PTPRD: variants seen among roughly 807,000 people sequenced by gnomAD.
The protein encoded by PTPRD is protein tyrosine phosphatase receptor type D, also known as receptor-type tyrosine-protein phosphatase delta.
Under a neutral mutation model 214.5 loss-of-function variants are expected in PTPRD, and 34 were observed. That is an observed-to-expected ratio of 0.16 (90% confidence interval 0.12 to 0.21). PTPRD has a LOEUF of 0.21. PTPRD is among the 10% of genes least tolerant of loss of function. The probability of loss-of-function intolerance (pLI) is 1.00; values close to 1 mark genes in which losing one functional copy is unlikely to be tolerated. For synonymous variants in PTPRD, 1,128 were observed against 845.7 expected, an observed-to-expected ratio of 1.33 and a Z score of -5.79; for missense variants, 2,545 against 2,398.7, an observed-to-expected ratio of 1.06 and a Z score of -1.27.
intron 11 of PTPRD, among the ~76,000 whole-genome samples, chr9:8,835,150 G>A (rs373521113): frequency 1.9e-4 from 29 of 152,220 alleles, no homozygotes; most frequent in African/African-American, 4.6e-4. Context: ...TGGGGTGGAC[G>A]AAGAAACGAA....
At chr9:8,657,931 T>C (rs1255464184) in intron 12 of PTPRD, among the ~76,000 whole-genome samples, 2 of 152,250 alleles carry the variant, frequency 1.3e-5, no homozygotes, top group East Asian at 3.8e-4. Flanking sequence ...TGTAATACTT[T>C]ATAATAAATT....
chr9:9,945,966 T>G (rs1014060820), intron 4 of PTPRD, among the ~76,000 whole-genome samples: 3 of 147,394 alleles, frequency 2.0e-5, no homozygotes, highest in African/African-American at 7.6e-5. Flanking sequence ...TGATACAAAT[T>G]AAATGATATA....
chr9:9,125,558 T>C (rs2154469966), intron 10 of PTPRD, among the ~76,000 whole-genome samples: 1 of 152,332 alleles, frequency 6.6e-6, no homozygotes, highest in African/African-American at 2.4e-5. Flanking sequence ...CTTTACCTTT[T>C]ATATTAGTTT....
At chr9:9,844,706 T>C (rs1291629075) in intron 5 of PTPRD, among the ~76,000 whole-genome samples, 1 of 151,950 alleles carries the variant, frequency 6.6e-6, no homozygotes, top group African/African-American at 2.4e-5. Flanking sequence ...TATTATATTG[T>C]ATAAATAAAT....
chr9:8,355,295 G>A (rs896519893), intron 39 of PTPRD, among the ~76,000 whole-genome samples: 3 of 152,032 alleles, frequency 2.0e-5, no homozygotes, highest in East Asian at 1.9e-4. Flanking sequence ...CCAGTATCAC[G>A]CTTGCTGTAC....
At chr9:10,494,807 T>C (rs1276699230) in intron 2 of PTPRD, among the ~76,000 whole-genome samples, 1 of 151,532 alleles carries the variant, frequency 6.6e-6, no homozygotes, top group Non-Finnish European at 1.5e-5. Context: ...TACTGTATAT[T>C]AAGATAGAAT....
At chr9:10,473,749 T>C (rs1206054454) in intron 2 of PTPRD, among the ~76,000 whole-genome samples, 1 of 152,020 alleles carries the variant, frequency 6.6e-6, no homozygotes, top group Non-Finnish European at 1.5e-5. Flanking sequence ...TAAAGAGACA[T>C]TTAGGGAGGA....
chr9:9,162,461 A>G (rs1206843160), intron 10 of PTPRD, among the ~76,000 whole-genome samples: 1 of 152,164 alleles, frequency 6.6e-6, no homozygotes, highest in African/African-American at 2.4e-5. Flanking sequence ...AGTAACAACC[A>G]GCATACACCT....
At chr9:10,491,864 G>C (rs185134451) in intron 2 of PTPRD, among the ~76,000 whole-genome samples, 2 of 151,866 alleles carry the variant, frequency 1.3e-5, no homozygotes, top group Non-Finnish European at 2.9e-5. Context: ...CCCTCTCCTA[G>C]TCCCACACCC....
rs1176159031 is a variant in PTPRD at position 9,467,588 on chromosome 9, C to CAAAAAAAAAAAAAAAAAAAAAAA, written c.-236-70107_-236-70106insTTTTTTTTTTTTTTTTTTTTTTT. The stretch of plus-strand genomic sequence containing the variant: ...GGCGACAGAGCGGGACTCCATCTCC[C>CAAAAAAAAAAAAAAAAAAAAAAA]AAAAAAAAAAAAAAAAAAAAAAGTT... On this transcript the variant is annotated intron_variant, in intron 8 of 45. Transcript: ENST00000381196. 5.2e-4 allele frequency among the ~76,000 whole-genome samples: 29 copies of CAAAAAAAAAAAAAAAAAAAAAAA among 55,948 alleles called. 1 individual carries two copies. Among genetic ancestry groups the CAAAAAAAAAAAAAAAAAAAAAAA allele is most frequent in the South Asian group, 1.0e-3 (1 of 972 alleles). 36.7% of individuals were successfully genotyped at this position (55,948 alleles called of 152,430 possible).
At chr9:9,014,230 G>T (rs114248204) in intron 11 of PTPRD, among the ~76,000 whole-genome samples, 257 of 111,372 alleles carry the variant, frequency 2.3e-3, no homozygotes, top group African/African-American at 8.3e-3. Flanking sequence ...GCATTTATTT[G>T]AGTTTCATGA....
In PTPRD at chr9:10,306,989, TA is replaced by T. The variant is rs377070359; in HGVS notation, c.-545+33973del. ...TTATGGGGTACATGTGATATTTTGT[TA>T]GATGCATAGAATATGTAATAATCAA... On this transcript the variant is annotated intron_variant, in intron 3 of 45. Transcript: ENST00000381196. 1.4e-3 allele frequency among the ~76,000 whole-genome samples: 212 copies of T among 152,278 alleles called. 3 individuals are homozygous for T. Among genetic ancestry groups the T allele is most frequent in the African/African-American group, 4.7e-3 (197 of 41,580 alleles).
At chr9:9,393,272 C>A (rs2066533273) in intron 9 of PTPRD, among the ~76,000 whole-genome samples, 1 of 152,060 alleles carries the variant, frequency 6.6e-6, no homozygotes, top group Admixed American at 6.6e-5. Flanking sequence ...TGGGTTTGTT[C>A]ATATAACTTA....
At chr9:8,501,175 A>C in intron 23 of PTPRD, 116 bp from the exon 24 acceptor site, 1 of 762,310 alleles carries the variant, frequency 1.3e-6, no homozygotes, top group Non-Finnish European at 2.1e-6. Flanking sequence ...TAAGGACAAA[A>C]TGAAAATAAG....
intron 14 of PTPRD, among the ~76,000 whole-genome samples, chr9:8,539,507 AAAT>A (rs1343596838): frequency 1.3e-5 from 2 of 151,908 alleles, no homozygotes; most frequent in Non-Finnish European, 2.9e-5. Context: ...ACTATTTTTA[AAAT>A]AATAATAAAA....
chr9:9,238,237 T>G (rs996711561), intron 9 of PTPRD, among the ~76,000 whole-genome samples: 6 of 152,048 alleles, frequency 3.9e-5, no homozygotes, highest in South Asian at 2.1e-4. Flanking sequence ...AGCTCTGCTG[T>G]GTTTTGCATT....
At position 8,610,565 on chromosome 9, in the gene PTPRD, T is replaced by G. The variant is rs76689597; in HGVS notation, c.352+22752A>C. Among the ~76,000 whole-genome samples the G allele has an allele frequency of 6.5e-3, 984 of 152,240 alleles. 19 individuals carry two copies. The highest frequency in any genetic ancestry group is 0.033 in the East Asian group (169 of 5,186). ...GTTAGACAAATGAAAACTTAAACCA[T>G]TCTATTTGAACAGCAAAAAAGCTGC... On this transcript the variant is annotated intron_variant, in intron 14 of 45. Coordinates refer to ENST00000381196, the MANE Select transcript of PTPRD (RefSeq NM_002839.4).
intron 2 of PTPRD, among the ~76,000 whole-genome samples, chr9:10,399,573 A>G (rs957404674): frequency 6.6e-6 from 1 of 151,944 alleles, no homozygotes; most frequent in Non-Finnish European, 1.5e-5. Context: ...CTTGAATAAA[A>G]ATATCTAGTG....
chr9:10,136,298 G>C (rs184537183), intron 3 of PTPRD, among the ~76,000 whole-genome samples: 1 of 151,980 alleles, frequency 6.6e-6, no homozygotes, highest in Admixed American at 6.6e-5. Context: ...GGACTTCAAC[G>C]TTCCACTAAC....
Sources: gnomAD v4.1 joint callset for allele counts (sites outside exome capture counted in the v4.1 genomes callset) on GRCh38, gnomAD v4.1.1 for gene constraint, MANE v1.5 for transcripts, NCBI Gene and HGNC (gene_info 2026-07-23, HGNC 2026-07-21) for gene names.